The following LAMB1 variants were observed in gnomAD, a reference collection of about 807,000 sequenced individuals.
LAMB1 encodes laminin subunit beta-1.
In LAMB1, 121 loss-of-function variants were observed where a neutral mutation model predicts 222.3. The ratio of observed to expected loss-of-function variants is 0.54; its 90% CI spans 0.47 to 0.63. The LOEUF (loss-of-function observed/expected upper bound fraction) is 0.63. Ranked by LOEUF, LAMB1 falls within the 30% of genes least tolerant of loss-of-function variation. The pLI, the probability that LAMB1 is intolerant of heterozygous loss-of-function variation, is 0.00. For synonymous variants in LAMB1, 794 were observed against 807.2 expected (o/e 0.98, Z 0.28); for missense variants, 2,172 against 2,240.8 (o/e 0.97, Z 0.62).
intron 5 of LAMB1, among the ~76,000 whole-genome samples, chr7:107,987,652 C>T (rs1300022737): frequency 6.6e-6 from 1 of 152,166 alleles, no homozygotes; most frequent in Non-Finnish European, 1.5e-5. Flanking sequence ...AAACACGCAC[C>T]ACCACGCCTG....
intron 13 of LAMB1, among the ~76,000 whole-genome samples, chr7:107,966,691 A>G (rs1325794073): frequency 6.6e-6 from 1 of 152,246 alleles, no homozygotes; most frequent in Non-Finnish European, 1.5e-5. Flanking sequence ...TACTGAGACA[A>G]CAAATATCCA....
chr7:107,937,122 A>T lies in LAMB1; in HGVS notation c.3917T>A (p.Leu1306Gln). ...DNTVKELAEQ[L>Q]EFIKNSDIRG... ...AATATCTGAGTTTTTGATAAATTCCAGTTGTTCAGCAAGTTCTTTCACAGT... is the reference window on the plus strand; with the variant it reads ...AATATCTGAGTTTTTGATAAATTCCTGTTGTTCAGCAAGTTCTTTCACAGT... The change falls in exon 26 of 34, where the codon CTG (leucine) becomes CAG (glutamine). Residue 1306 changes from leucine to glutamine, a missense_variant. By Grantham distance (113) the Leu-to-Gln change is moderately radical (BLOSUM62 -2). Transcript: ENST00000222399. 6.2e-7 allele frequency: 1 copy of T among 1,613,976 alleles called. No homozygotes were observed. Among genetic ancestry groups the T allele is most frequent in the Non-Finnish European group, 8.5e-7 (1 of 1,179,932 alleles).
At chr7:107,995,048 T>C in intron 4 of LAMB1, 88 bp from the exon 5 acceptor site, 1 of 692,696 alleles carries the variant, frequency 1.4e-6, no homozygotes, top group Middle Eastern at 4.1e-4. Flanking sequence ...TTAAATTACT[T>C]TTATGTTCCC....
At chr7:107,933,737 C>G (rs1354244608) in intron 27 of LAMB1, among the ~76,000 whole-genome samples, 3 of 152,136 alleles carry the variant, frequency 2.0e-5, no homozygotes, top group African/African-American at 7.2e-5. Context: ...AGAATTCTCA[C>G]AGGATCATTA....
chr7:107,996,308 G>C (rs2034279833), intron 4 of LAMB1, among the ~76,000 whole-genome samples: 1 of 151,792 alleles, frequency 6.6e-6, no homozygotes, highest in South Asian at 2.1e-4. Context: ...TTTTTATATG[G>C]GAAGAAAAAT....
intron 30 of LAMB1, 42 bp from the exon 31 acceptor site, chr7:107,929,247 G>A: frequency 1.9e-6 from 3 of 1,605,156 alleles, no homozygotes; most frequent in Non-Finnish European, 1.7e-6. Context: ...TGCTGAACAT[G>A]AAAAAAGTAC....
intron 13 of LAMB1, 134 bp from the exon 14 acceptor site, chr7:107,964,821 A>G: frequency 9.7e-7 from 1 of 1,029,000 alleles, no homozygotes; most frequent in Non-Finnish European, 1.4e-6. Context: ...TTCAGAAAAT[A>G]CATATGTGGA....
At chr7:107,967,429 T>G (rs534366070) in intron 13 of LAMB1, among the ~76,000 whole-genome samples, 1 of 152,192 alleles carries the variant, frequency 6.6e-6, no homozygotes, top group South Asian at 2.1e-4. Flanking sequence ...CCAACCGATC[T>G]TCCTACAGTG....
chr7:107,938,371 T>G (rs1346128526), intron 25 of LAMB1, among the ~76,000 whole-genome samples: 1 of 152,192 alleles, frequency 6.6e-6, no homozygotes, highest in Non-Finnish European at 1.5e-5. Context: ...ATTATATGAC[T>G]CACAGAAGGC....
intron 20 of LAMB1, among the ~76,000 whole-genome samples, 166 bp from the exon 21 acceptor site, chr7:107,955,796 T>TA (rs1259994795): frequency 2.0e-5 from 3 of 151,930 alleles, no homozygotes; most frequent in Non-Finnish European, 4.4e-5. Flanking sequence ...GCAGTGGCAC[T>TA]ATCTCAGCTC....
intron 20 of LAMB1, among the ~76,000 whole-genome samples, chr7:107,956,502 C>T (rs1449265944): frequency 6.6e-6 from 1 of 152,222 alleles, no homozygotes; most frequent in Non-Finnish European, 1.5e-5. Context: ...TCACTCACTG[C>T]TCCCCAGAGG....
At position 107,955,791 on chromosome 7, in the gene LAMB1, G is replaced by A. The variant is rs182869730; in HGVS notation, c.2691-161C>T. On this transcript the variant is annotated intron_variant, in intron 20 of 33. Coordinates refer to ENST00000222399, the MANE Select transcript of LAMB1 (RefSeq NM_002291.3). ...TCTGTCACCCAGGCTGGAGTGCAGT[G>A]GCACTATCTCAGCTCACTGTAACCT... is the stretch of plus-strand genomic sequence containing the variant. 5.3e-5 allele frequency among the ~76,000 whole-genome samples: 8 copies of A among 152,360 alleles called. No homozygotes were observed. The East Asian group carries it at 1.5e-3, about 29-fold the overall frequency.
chr7:107,949,020 C>T (rs1437841700), intron 24 of LAMB1, among the ~76,000 whole-genome samples: 1 of 152,134 alleles, frequency 6.6e-6, no homozygotes, highest in Non-Finnish European at 1.5e-5. Flanking sequence ...TGTTTTTTAT[C>T]GGTTGTTTGC....
chr7:107,924,101 T>TAC lies in LAMB1; in HGVS notation c.5225-15_5225-14insGT. ...TTCTTTCTAAATCTGTGGGGAGATA[T>TAC]ATATATATAAAGTCTGAGCAATTTA... On this transcript the variant is annotated splice_polypyrimidine_tract_variant and intron_variant, in intron 33 of 33. Transcript: ENST00000222399. The TAC allele has an allele frequency of 6.5e-7, 1 of 1,530,930 alleles. No homozygotes were observed. The highest frequency in any genetic ancestry group is 8.7e-7 in the Non-Finnish European group (1 of 1,144,742). 94.8% of individuals were successfully genotyped at this position (1,530,930 alleles called of 1,614,324 possible).
chr7:107,976,992 C>G (rs1462835965), intron 9 of LAMB1, among the ~76,000 whole-genome samples: 10 of 90,272 alleles, frequency 1.1e-4, no homozygotes, highest in African/African-American at 3.8e-4. Context: ...CTTTCCTCTT[C>G]CTCCTTCCTT....
intron 25 of LAMB1, among the ~76,000 whole-genome samples, chr7:107,939,609 T>TA (rs2032932618): frequency 1.3e-5 from 2 of 152,154 alleles, no homozygotes; most frequent in South Asian, 4.1e-4. Context: ...GGAGAGAAAA[T>TA]ACAGGCTCAG....
intron 8 of LAMB1, 22 bp downstream of exon 8, chr7:107,980,587 G>C: frequency 6.3e-7 from 1 of 1,584,440 alleles, no homozygotes; most frequent in Non-Finnish European, 8.7e-7. Context: ...AAAGGAGAAA[G>C]GTGCACAGAG....
intron 7 of LAMB1, among the ~76,000 whole-genome samples, chr7:107,984,129 AGT>A (rs1181346759): frequency 1.3e-5 from 2 of 152,152 alleles, no homozygotes; most frequent in East Asian, 3.9e-4. Flanking sequence ...CCTCGCCAAG[AGT>A]GTTAGTAGAG....
rs1349146273 is a variant in LAMB1 at position 107,996,857 on chromosome 7, G to A, written c.349+1500C>T. Among the ~76,000 whole-genome samples the A allele has an allele frequency of 2.0e-5, 3 of 152,214 alleles. 1 individual carries two copies. The East Asian group carries it at 5.8e-4, about 29-fold the overall frequency. On this transcript the variant is annotated intron_variant, in intron 4 of 33. Transcript: ENST00000222399. ...ATCTTCTTCAAACGGTCTTTCACTAGAAGAATGTGGGAGATCAGGAAATGT... is the reference window on the plus strand; with the variant it reads ...ATCTTCTTCAAACGGTCTTTCACTAAAAGAATGTGGGAGATCAGGAAATGT...
Sources: allele counts gnomAD v4.1 joint callset (sites outside exome capture counted in the v4.1 genomes callset), GRCh38; gene constraint gnomAD v4.1.1; transcripts MANE v1.5; gene names NCBI Gene and HGNC (gene_info 2026-07-23, HGNC 2026-07-21).